Variants in SNX9 observed in about 807,000 individuals in gnomAD.
SNX9 encodes sorting nexin 9.
In SNX9, 44 loss-of-function variants were observed where a neutral mutation model predicts 89.4. The ratio of observed to expected loss-of-function variants is 0.49; its 90% CI spans 0.39 to 0.63. The LOEUF (loss-of-function observed/expected upper bound fraction) is 0.63. SNX9 is among the 30% of genes least tolerant of loss of function. The pLI, the probability that SNX9 is intolerant of heterozygous loss-of-function variation, is 0.00. For synonymous variants in SNX9, 236 were observed against 247.8 expected, an observed-to-expected ratio of 0.95 and a Z score of 0.45; for missense variants, 578 against 736.1, an observed-to-expected ratio of 0.79 and a Z score of 2.49.
intron 4 of SNX9, among the ~76,000 whole-genome samples, chr6:157,894,556 T>TCTCTACTG (rs1782940321): frequency 6.6e-6 from 1 of 151,580 alleles, no homozygotes; most frequent in Admixed American, 6.6e-5. Context: ...CTAAGTGTAC[T>TCTCTACTG]CTCTACTGGA....
At chr6:157,891,193 G>A (rs1027644231) in intron 4 of SNX9, among the ~76,000 whole-genome samples, 10 of 151,478 alleles carry the variant, frequency 6.6e-5, no homozygotes, top group African/African-American at 2.2e-4. Flanking sequence ...CACCACACCC[G>A]GCTTTTTGTA....
intron 10 of SNX9, among the ~76,000 whole-genome samples, chr6:157,926,808 T>G (rs1241520366): frequency 2.8e-5 from 4 of 140,728 alleles, no homozygotes; most frequent in African/African-American, 8.1e-5. Context: ...AAAAAAAGTA[T>G]AGGGTGTTTC....
At chr6:157,857,630 G>T (rs1022560880) in intron 1 of SNX9, among the ~76,000 whole-genome samples, 2 of 146,952 alleles carry the variant, frequency 1.4e-5, no homozygotes, top group East Asian at 2.0e-4. Context: ...TGTGGACTTC[G>T]TACTTTTCTA....
In SNX9 at chr6:157,823,572, T is replaced by G. The variant is rs1781280628; in HGVS notation, c.12+126T>G. The G allele has an allele frequency of 1.2e-6, 1 of 819,660 alleles. No homozygotes were observed. The highest frequency in any genetic ancestry group is 1.8e-5 in the African/African-American group (1 of 54,516). The allele number at this position is 819,660 out of a possible 1,614,324, so 50.8% of individuals were successfully genotyped here. On this transcript the variant is annotated intron_variant, in intron 1 of 17. Transcript: ENST00000392185. The surrounding 1 kb of genome is among the most constrained non-coding windows in gnomAD (Gnocchi z 4.6). ...TCGAGGGGCCACTCCGCTTCCTCGG[T>G]GGAGTCCCCGGGCGGGTCCGCGGCC...
chr6:157,867,369 A>T (rs1355284811), intron 1 of SNX9, among the ~76,000 whole-genome samples, 178 bp from the exon 2 acceptor site: 3 of 152,180 alleles, frequency 2.0e-5, no homozygotes, highest in Non-Finnish European at 4.4e-5. Context: ...CGTTGGTGTT[A>T]TTCTTCCTCA....
chr6:157,909,248 T>A (rs961696332), intron 7 of SNX9, among the ~76,000 whole-genome samples: 1 of 152,246 alleles, frequency 6.6e-6, no homozygotes, highest in Non-Finnish European at 1.5e-5. Context: ...TGAGGACAAT[T>A]TGGTATTGTT....
intron 4 of SNX9, among the ~76,000 whole-genome samples, chr6:157,882,827 A>G (rs1380116771): frequency 6.6e-6 from 1 of 152,228 alleles, no homozygotes; most frequent in Non-Finnish European, 1.5e-5. Context: ...GATGGAATCT[A>G]TTCGTGGTGA....
At chr6:157,917,909 T>C (rs1783507473) in intron 9 of SNX9, among the ~76,000 whole-genome samples, 1 of 152,178 alleles carries the variant, frequency 6.6e-6, no homozygotes, top group South Asian at 2.1e-4. Context: ...CTATGTTTAA[T>C]TTCCAACTAT....
chr6:157,829,597 T>C (rs891626505), intron 1 of SNX9, among the ~76,000 whole-genome samples: 1 of 152,232 alleles, frequency 6.6e-6, no homozygotes, highest in Non-Finnish European at 1.5e-5. Flanking sequence ...GTCTACTTGA[T>C]GGTGATGCTA....
chr6:157,917,587 A>C (rs953265428), intron 9 of SNX9, among the ~76,000 whole-genome samples: 1 of 152,120 alleles, frequency 6.6e-6, no homozygotes, highest in African/African-American at 2.4e-5. Context: ...ATCTATGGGA[A>C]TTGGTTCCAG....
intron 1 of SNX9, among the ~76,000 whole-genome samples, chr6:157,828,769 C>G (rs1427421468): frequency 6.6e-6 from 1 of 152,148 alleles, no homozygotes; most frequent in Admixed American, 6.5e-5. Flanking sequence ...GACACTACGC[C>G]TGGCCACATA....
intron 1 of SNX9, among the ~76,000 whole-genome samples, chr6:157,862,727 G>A (rs903074866): frequency 1.3e-5 from 2 of 151,712 alleles, no homozygotes; most frequent in African/African-American, 4.8e-5. Flanking sequence ...ATTCTCTATT[G>A]TTGTGCATTT....
intron 14 of SNX9, among the ~76,000 whole-genome samples, 157 bp downstream of exon 14, chr6:157,936,197 G>C (rs556954261): frequency 6.6e-6 from 1 of 152,178 alleles, no homozygotes; most frequent in African/African-American, 2.4e-5. Context: ...TGGTTTCTTA[G>C]GTTAAGACAA....
chr6:157,857,770 T>C (rs538118069), intron 1 of SNX9, among the ~76,000 whole-genome samples: 1 of 152,218 alleles, frequency 6.6e-6, no homozygotes, highest in South Asian at 2.1e-4. Flanking sequence ...GTATTTTTAT[T>C]AGAATTATTG....
chr6:157,914,683 G>C (rs1286041874), intron 9 of SNX9, among the ~76,000 whole-genome samples: 1 of 151,816 alleles, frequency 6.6e-6, no homozygotes, highest in Admixed American at 6.6e-5. Flanking sequence ...TCACCCTGTT[G>C]CCTAGGCTGG....
In SNX9 at chr6:157,927,155, G is replaced by A. The variant is rs765130156; in HGVS notation, c.1125G>A (p.Ala375=). The A allele has an allele frequency of 1.1e-5, 17 of 1,613,966 alleles. No individual in the cohort carries two copies. The South Asian group carries it at 1.2e-4, about 11-fold the overall frequency. Residue 375 remains alanine, a synonymous_variant, in exon 11 of 18, where the codon GCG becomes GCA. Transcript: ENST00000392185. ...GKRKAERDEL[A]GVMIFSTMEP... is the part of the protein sequence containing the mutation. ...GGAAGGCCGAGAGAGATGAGCTGGCGGGAGTCATGATATTTTCCACCATGG... is the reference window on the plus strand; with the variant it reads ...GGAAGGCCGAGAGAGATGAGCTGGCAGGAGTCATGATATTTTCCACCATGG...
At chr6:157,900,431 C>T (rs1285582631) in intron 5 of SNX9, among the ~76,000 whole-genome samples, 4 of 152,230 alleles carry the variant, frequency 2.6e-5, no homozygotes, top group South Asian at 2.1e-4. Flanking sequence ...GCCAGCAGCC[C>T]GCAATGCAAC....
At chr6:157,941,676 G>T (rs1784038789) in intron 17 of SNX9, among the ~76,000 whole-genome samples, 1 of 152,210 alleles carries the variant, frequency 6.6e-6, no homozygotes, top group Non-Finnish European at 1.5e-5. Flanking sequence ...TGTTCATGGG[G>T]AGTGGTGAGC....
chr6:157,848,396 T>C (rs1781843711), intron 1 of SNX9, among the ~76,000 whole-genome samples: 1 of 152,152 alleles, frequency 6.6e-6, no homozygotes, highest in Non-Finnish European at 1.5e-5. Flanking sequence ...GGTAGAGATT[T>C]AGAAAAAGTG....
Sources: allele counts gnomAD v4.1 joint callset (sites outside exome capture counted in the v4.1 genomes callset), GRCh38; gene constraint gnomAD v4.1.1; non-coding constraint Gnocchi (gnomAD v3.1); transcripts MANE v1.5; gene names NCBI Gene and HGNC (gene_info 2026-07-23, HGNC 2026-07-21).